Variants in LZTS2 observed in about 807,000 individuals in gnomAD.
LZTS2 encodes the protein leucine zipper tumor suppressor 2, also known as leucine zipper putative tumor suppressor 2.
LZTS2 carries 32 observed loss-of-function variants against 60.6 expected under a neutral mutation model. The ratio of observed to expected loss-of-function variants is 0.53; its 90% CI spans 0.40 to 0.71. The LOEUF is 0.71. Ranked by LOEUF, LZTS2 falls within the 30% of genes least tolerant of loss-of-function variation. LZTS2 has a pLI of 0.00. For synonymous variants in LZTS2, 360 were observed against 393.1 expected (o/e 0.92, Z 1.00); for missense variants, 792 against 901.9 (o/e 0.88, Z 1.56).
intron 1 of LZTS2, 31 bp downstream of exon 2, chr10:101,002,977 G>A: frequency 3.2e-6 from 5 of 1,579,024 alleles, no homozygotes; most frequent in Non-Finnish European, 4.3e-6. Context: ...GTGGGCCTGG[G>A]TAGAACGGGA....
chr10:101,005,501 C>A (rs374215467), exon 3 of LZTS2: 7 of 1,584,588 alleles, frequency 4.4e-6, no homozygotes, highest in Non-Finnish European at 2.6e-6. Context: ...GAGCGTGAGG[C>A]CCTGCGAGAG....
Position 101,007,067 on chromosome 10 carries a change from C to A in LZTS2, c.1909C>A (p.Gln637Lys), listed in dbSNP as rs753935546. Reference sequence around the variant, plus strand: ...CCGGCAGCTAGAGCAGGAGCTGCAGCAGCTCAGCCTGGAGCTGGAGGCCCG... The same window carrying A: ...CCGGCAGCTAGAGCAGGAGCTGCAGAAGCTCAGCCTGGAGCTGGAGGCCCG... The change falls in exon 4 of 4, where the codon CAG becomes AAG. Residue 637 changes from glutamine to lysine, a missense_variant. Physicochemically the swap from Gln to Lys is moderately conservative, Grantham distance 53. Coordinates refer to ENST00000370220, the Ensembl canonical transcript of LZTS2. 6 of 1,606,618 alleles carry A rather than the reference C, an allele frequency of 3.7e-6. No individual in the cohort carries two copies. In the Admixed American group the frequency reaches 8.5e-5, roughly 23 times the overall value.
At chr10:101,007,689 A>G in exon 4 of LZTS2, 1 of 1,049,562 alleles carries the variant, frequency 9.5e-7, no homozygotes, top group Non-Finnish European at 1.2e-6. Flanking sequence ...GAACTCAGAA[A>G]TGTCTTGTTT....
chr10:101,004,668 C>T (rs2133976589), intron 2 of LZTS2, among the ~76,000 whole-genome samples: 1 of 152,236 alleles, frequency 6.6e-6, no homozygotes, highest in East Asian at 1.9e-4. Context: ...CCTCCCACTG[C>T]CAAATACTAG....
exon 2 of LZTS2, chr10:101,003,839 G>A: frequency 6.2e-7 from 1 of 1,613,374 alleles, no homozygotes; most frequent in Non-Finnish European, 8.5e-7. Context: ...GCGGGCACCT[G>A]CCTTCCCATG....
chr10:101,003,406 A>T, intron 1 of LZTS2, 101 bp from the exon 3 acceptor site: 1 of 1,265,678 alleles, frequency 7.9e-7, no homozygotes, highest in Admixed American at 2.5e-5. Flanking sequence ...TGTTATGAAT[A>T]TATGGGCACT....
upstream of LZTS2, chr10:100,998,472 G>C (rs1316827801): frequency 6.6e-6 from 1 of 152,426 alleles, no homozygotes; most frequent in African/African-American, 2.4e-5. Flanking sequence ...AAACAACCCT[G>C]TCCATGGAGC....
rs773107520 is a variant in LZTS2, at chr10:101,003,895, C to T, written c.797C>T (p.Thr266Ile). 4.3e-6 allele frequency: 7 copies of T among 1,612,644 alleles called. No individual in the cohort carries two copies. The East Asian group carries it at 1.6e-4, about 36-fold the overall frequency. The change falls in exon 2 of 4, where the codon ACT (threonine) becomes ATT (isoleucine). Residue 266 changes from threonine (T) to isoleucine (I), a missense_variant. Coordinates refer to ENST00000370220, the Ensembl canonical transcript of LZTS2. ...CCTGGGCCAGCCCGAGGGGTCCCTA[C>T]TGGGCCCTCCCACTCAGACAGTGGC...
chr10:101,006,438 C>T (rs757371733), intron 3 of LZTS2, 47 bp from the exon 5 acceptor site: 4 of 1,561,316 alleles, frequency 2.6e-6, no homozygotes, highest in South Asian at 1.2e-5. Flanking sequence ...CCTGTCCCCC[C>T]AGGAGAACCT....
Position 101,005,718 on chromosome 10 carries a change from G to A in LZTS2, c.1326+3G>A. On this transcript the variant is annotated splice_donor_region_variant and intron_variant, in intron 3 of 3. Transcript: ENST00000370220. ...GGCTTGAGGAGACCAAGTGGGAGGT[G>A]GGCCAGACCAGGAGGGGCAGGGAGC... 1 of 1,560,568 alleles carries A rather than the reference G, an allele frequency of 6.4e-7. No homozygotes were observed. Among genetic ancestry groups the A allele is most frequent in the Non-Finnish European group, 8.7e-7 (1 of 1,148,686 alleles).
rs1852060371 is a variant in LZTS2 at position 101,002,489 on chromosome 10, G to A, written c.-50G>A. Reference sequence around the variant, plus strand: ...GGAGGGACTCTGACACCACTGCCCTGCTTACAGGTCGCCTGCGAGGCCGCT... The same window carrying A: ...GGAGGGACTCTGACACCACTGCCCTACTTACAGGTCGCCTGCGAGGCCGCT... On this transcript the variant is annotated 5_prime_UTR_variant, in exon 1 of 4. Coordinates refer to ENST00000370220, the Ensembl canonical transcript of LZTS2. 2 of 1,494,144 alleles carry A rather than the reference G, an allele frequency of 1.3e-6. No homozygotes were observed. Among genetic ancestry groups the A allele is most frequent in the Non-Finnish European group, 8.9e-7 (1 of 1,122,146 alleles). The allele number at this position is 1,494,144 out of a possible 1,614,324, so 92.6% of individuals were successfully genotyped here. A position where few individuals can be genotyped will look rare whatever the true frequency, so the allele number is the denominator to read the frequency against.
rs990029217 is a variant in LZTS2 at position 100,999,961 on chromosome 10, G to T, written c.-2578G>T. Reference sequence around the variant, plus strand: ...GGAGCAGCGCGGCGGAGGTGAGGGGGGCCGGGTCTGGGAGGCGGCCTGGGG... The same window carrying T: ...GGAGCAGCGCGGCGGAGGTGAGGGGTGCCGGGTCTGGGAGGCGGCCTGGGG... On this transcript the variant is annotated 5_prime_UTR_variant, in exon 1 of 4. Transcript: ENST00000370220. The T allele has an allele frequency of 2.0e-5, 3 of 152,996 alleles. No homozygotes were observed. Among genetic ancestry groups the T allele is most frequent in the Non-Finnish European group, 4.4e-5 (3 of 68,090 alleles). 9.5% of individuals were successfully genotyped at this position (152,996 alleles called of 1,614,324 possible). A position where few individuals can be genotyped will look rare whatever the true frequency, so the allele number is the denominator to read the frequency against.
Position 101,005,452 on chromosome 10 carries a change from C to T in LZTS2, c.1069-6C>T, listed in dbSNP as rs1852151235. 3 of 1,552,574 alleles carry T rather than the reference C, an allele frequency of 1.9e-6. No individual in the cohort carries two copies. The highest frequency in any genetic ancestry group is 1.7e-6 in the Non-Finnish European group (2 of 1,148,122). ...CCAGGAGCCAGGTCTCTCTTCTCGC[C>T]TGCAGGCATACGAGGAGCGGCAGCG... On this transcript the variant is annotated splice_polypyrimidine_tract_variant and splice_region_variant and intron_variant, in intron 2 of 3. Coordinates refer to ENST00000370220, the Ensembl canonical transcript of LZTS2.
chr10:101,002,602 C>G, exon 1 of LZTS2: 2 of 1,560,420 alleles, frequency 1.3e-6, no homozygotes, highest in African/African-American at 1.4e-5. Flanking sequence ...CACTGCCCCA[C>G]AAGCTCCAGT....
rs143408611 is a variant in LZTS2 at position 101,003,806 on chromosome 10, C to T, written c.708C>T (p.Ala236=). ...TGCCCACCTACAGCACCGGAGGTGCCGAGCCAACCACCAGCTCCCCAGGCG... is the reference window on the plus strand; with the variant it reads ...TGCCCACCTACAGCACCGGAGGTGCTGAGCCAACCACCAGCTCCCCAGGCG... The change falls in exon 2 of 4, where the codon GCC becomes GCT. Residue 236 remains alanine (A), a synonymous_variant. Transcript: ENST00000370220. 27 of 1,613,156 alleles carry T rather than the reference C, an allele frequency of 1.7e-5. No homozygotes were observed. In the East Asian group the frequency reaches 2.9e-4, roughly 17 times the overall value.
chr10:101,003,018 C>T, intron 1 of LZTS2, 72 bp downstream of exon 2: 1 of 1,499,444 alleles, frequency 6.7e-7, no homozygotes. Flanking sequence ...AATTTAGAAG[C>T]TTATATAGAG....
chr10:101,002,964 C>T lies in LZTS2; in HGVS notation c.408+18C>T. On this transcript the variant is annotated intron_variant, in intron 1 of 3. Transcript: ENST00000370220. Reference sequence around the variant, plus strand: ...TGGAGAAGGTGAGGACCGGCTCTTCCTTGTGGGCCTGGGTAGAACGGGAGT... The same window carrying T: ...TGGAGAAGGTGAGGACCGGCTCTTCTTTGTGGGCCTGGGTAGAACGGGAGT... 6.3e-7 allele frequency: 1 copy of T among 1,597,170 alleles called. No individual in the cohort carries two copies. The highest frequency in any genetic ancestry group is 8.5e-7 in the Non-Finnish European group (1 of 1,171,584).
exon 2 of LZTS2, chr10:101,003,665 C>T (rs1406315396): frequency 1.9e-6 from 3 of 1,610,976 alleles, no homozygotes; most frequent in African/African-American, 1.3e-5. Context: ...CTGCCTCCTC[C>T]TCCTCCTCTT....
chr10:100,997,337 A>AGGGGGGTCCGCACTTGGT (rs1554888361), upstream of LZTS2: 1 of 152,040 alleles, frequency 6.6e-6, no homozygotes, highest in Non-Finnish European at 1.5e-5. Flanking sequence ...TGGGGTGAGG[A>AGGGGGGTCCGCACTTGGT]GGGGGGTCCG....
Sources: allele counts gnomAD v4.1 joint callset (sites outside exome capture counted in the v4.1 genomes callset), GRCh38; gene constraint gnomAD v4.1.1; transcripts MANE v1.5; gene names NCBI Gene and HGNC (gene_info 2026-07-23, HGNC 2026-07-21).